The following CCSER1 variants were observed in gnomAD, a reference collection of about 807,000 sequenced individuals.
The protein encoded by CCSER1 is coiled-coil serine rich protein 1, also known as serine-rich coiled-coil domain-containing protein 1.
Under a neutral mutation model 82.0 loss-of-function variants are expected in CCSER1, and 41 were observed. That is an observed-to-expected ratio of 0.50 (90% confidence interval 0.39 to 0.65). The LOEUF (loss-of-function observed/expected upper bound fraction) is 0.65, where lower values mean the gene tolerates loss of function less well. CCSER1 is among the 30% of genes least tolerant of loss of function. The probability of loss-of-function intolerance (pLI) is 0.00; values close to 1 mark genes in which losing one functional copy is unlikely to be tolerated. For synonymous variants in CCSER1, 414 were observed against 383.9 expected, an observed-to-expected ratio of 1.08 and a Z score of -0.92; for missense variants, 1,119 against 1,064.2, an observed-to-expected ratio of 1.05 and a Z score of -0.72.
chr4:91,506,129 T>C (rs1759469440), intron 10 of CCSER1, among the ~76,000 whole-genome samples: 1 of 152,136 alleles, frequency 6.6e-6, no homozygotes, highest in South Asian at 2.1e-4. Flanking sequence ...AAGGAAGGGG[T>C]CCAGTTTCAG....
At chr4:90,217,914 G>T (rs549828886) in intron 1 of CCSER1, among the ~76,000 whole-genome samples, 2 of 152,128 alleles carry the variant, frequency 1.3e-5, no homozygotes, top group South Asian at 4.2e-4. Context: ...TGCCACCTCA[G>T]CCTTATGAGT....
intron 10 of CCSER1, among the ~76,000 whole-genome samples, chr4:91,419,294 T>C (rs1753563838): frequency 6.6e-6 from 1 of 152,040 alleles, no homozygotes; most frequent in South Asian, 2.1e-4. Flanking sequence ...AGTTAAGTTG[T>C]CTCTGCAAAT....
intron 10 of CCSER1, among the ~76,000 whole-genome samples, chr4:91,107,820 C>T (rs1441273403): frequency 6.6e-6 from 1 of 151,878 alleles, no homozygotes; most frequent in African/African-American, 2.4e-5. Context: ...AGTAATAGCC[C>T]TTCTAGAATT....
intron 10 of CCSER1, among the ~76,000 whole-genome samples, chr4:91,226,952 A>T (rs1581803970): frequency 6.6e-6 from 1 of 151,996 alleles, no homozygotes; most frequent in East Asian, 1.9e-4. Flanking sequence ...AAATTATCAT[A>T]ATATTTAGAG....
intron 6 of CCSER1, among the ~76,000 whole-genome samples, chr4:90,630,391 A>G (rs1488112552): frequency 6.6e-6 from 1 of 152,212 alleles, no homozygotes; most frequent in Non-Finnish European, 1.5e-5. Flanking sequence ...TTCTTAGAGT[A>G]CTTAATTTTA....
At chr4:90,385,653 G>A (rs1749925485) in intron 3 of CCSER1, among the ~76,000 whole-genome samples, 2 of 151,726 alleles carry the variant, frequency 1.3e-5, no homozygotes, top group South Asian at 2.1e-4. Context: ...GGTAGAGACA[G>A]GGTTTCACCG....
chr4:91,205,589 C>A (rs890164450), intron 10 of CCSER1, among the ~76,000 whole-genome samples: 2 of 151,396 alleles, frequency 1.3e-5, no homozygotes, highest in Non-Finnish European at 3.0e-5. Flanking sequence ...TTACCAAAAT[C>A]TATACCTTGA....
At chr4:90,780,892 A>G in intron 7 of CCSER1, 1 of 680,658 alleles carries the variant, frequency 1.5e-6, no homozygotes, top group Non-Finnish European at 1.8e-6. Flanking sequence ...GATTTATAAG[A>G]AAAGGGGTAT....
chr4:90,858,270 A>T (rs1299776170), intron 8 of CCSER1, among the ~76,000 whole-genome samples: 1 of 152,060 alleles, frequency 6.6e-6, no homozygotes, highest in African/African-American at 2.4e-5. Flanking sequence ...CCACATTATG[A>T]TTTGAACAAA....
intron 9 of CCSER1, among the ~76,000 whole-genome samples, chr4:91,080,879 T>A (rs529889417): frequency 2.0e-5 from 3 of 150,196 alleles, no homozygotes; most frequent in Non-Finnish European, 1.5e-5. Flanking sequence ...AGAAGTTGAA[T>A]CCCAATAACA....
intron 10 of CCSER1, among the ~76,000 whole-genome samples, chr4:91,400,893 C>T (rs1159368830): frequency 6.6e-6 from 1 of 151,792 alleles, no homozygotes; most frequent in East Asian, 1.9e-4. Context: ...GGCACAGTGG[C>T]ACCTAATTAA....
intron 9 of CCSER1, among the ~76,000 whole-genome samples, chr4:91,035,238 A>T (rs948253397): frequency 2.0e-5 from 3 of 152,166 alleles, no homozygotes; most frequent in African/African-American, 7.2e-5. Flanking sequence ...TGGAACTGAA[A>T]TAAAGCTTTA....
chr4:91,509,763 G>A (rs975927259), intron 10 of CCSER1, among the ~76,000 whole-genome samples: 1 of 151,766 alleles, frequency 6.6e-6, no homozygotes, highest in African/African-American at 2.4e-5. Context: ...GGTTGTTTCT[G>A]TTGGTCAGGA....
At chr4:90,275,509 G>A (rs1042725953) in intron 1 of CCSER1, among the ~76,000 whole-genome samples, 3 of 152,086 alleles carry the variant, frequency 2.0e-5, no homozygotes, top group Admixed American at 1.3e-4. Flanking sequence ...AAAACTTTTG[G>A]TGATAACATT....
At chr4:91,068,190 G>A (rs1329002172) in intron 9 of CCSER1, among the ~76,000 whole-genome samples, 1 of 152,152 alleles carries the variant, frequency 6.6e-6, no homozygotes, top group Non-Finnish European at 1.5e-5. Flanking sequence ...GGATTTCCTA[G>A]TAGGATCCAA....
At chr4:90,400,192 T>A in intron 4 of CCSER1, 63 bp downstream of exon 4, 1 of 851,924 alleles carries the variant, frequency 1.2e-6, no homozygotes, top group South Asian at 1.8e-5. Context: ...CTTTCACTGA[T>A]AGCCTAAACA....
chr4:90,924,345 C>T (rs180702053), intron 9 of CCSER1, among the ~76,000 whole-genome samples: 3 of 151,888 alleles, frequency 2.0e-5, no homozygotes, highest in African/African-American at 7.2e-5. Context: ...TTTGTGTTGC[C>T]GTGCAAATTA....
chr4:90,583,271 A>G (rs553266102), intron 5 of CCSER1, among the ~76,000 whole-genome samples: 2 of 152,044 alleles, frequency 1.3e-5, no homozygotes, highest in African/African-American at 2.4e-5. Context: ...GGTTCAAGCT[A>G]TTCTCATGTC....
At chr4:90,474,894 A>G (rs1764848623) in intron 5 of CCSER1, among the ~76,000 whole-genome samples, 1 of 152,130 alleles carries the variant, frequency 6.6e-6, no homozygotes, top group Non-Finnish European at 1.5e-5. Flanking sequence ...AAAATGAGAA[A>G]TTATCTTTAT....
Sources: gnomAD v4.1 joint callset for allele counts (sites outside exome capture counted in the v4.1 genomes callset) on GRCh38, gnomAD v4.1.1 for gene constraint, MANE v1.5 for transcripts, NCBI Gene and HGNC (gene_info 2026-07-23, HGNC 2026-07-21) for gene names.